Variants in CHCHD3 observed in about 807,000 individuals in gnomAD.
The protein encoded by CHCHD3 is coiled-coil-helix-coiled-coil-helix domain containing 3.
A neutral mutation model predicts 38.2 loss-of-function variants in CHCHD3; 20 were observed. The ratio of observed to expected loss-of-function variants is 0.52; its 90% CI spans 0.37 to 0.76. The LOEUF (loss-of-function observed/expected upper bound fraction) is 0.76, where lower values mean the gene tolerates loss of function less well. CHCHD3 is among the 30% of genes least tolerant of loss of function. The probability of loss-of-function intolerance (pLI) is 0.00; values close to 1 mark genes in which losing one functional copy is unlikely to be tolerated. For missense variants in CHCHD3, 245 were observed against 279.2 expected, an observed-to-expected ratio of 0.88 and a Z score of 0.87; for synonymous variants, 82 against 100.0, an observed-to-expected ratio of 0.82 and a Z score of 1.07.
At chr7:133,007,720 C>A (rs1323910364) in intron 3 of CHCHD3, among the ~76,000 whole-genome samples, 1 of 152,196 alleles carries the variant, frequency 6.6e-6, no homozygotes, top group Non-Finnish European at 1.5e-5. Flanking sequence ...CGTGTCCCAA[C>A]TTTCTGATTT....
At chr7:132,837,707 T>A (rs1807823339) in intron 6 of CHCHD3, among the ~76,000 whole-genome samples, 1 of 152,318 alleles carries the variant, frequency 6.6e-6, no homozygotes, top group African/African-American at 2.4e-5. Flanking sequence ...TTTGCTTCAC[T>A]AATTTGCGCA....
intron 1 of CHCHD3, among the ~76,000 whole-genome samples, chr7:133,073,129 A>G (rs1300885773): frequency 6.6e-6 from 1 of 152,166 alleles, no homozygotes; most frequent in Non-Finnish European, 1.5e-5. Flanking sequence ...TGCCTTATTT[A>G]TATGGCTTCC....
chr7:132,892,690 TGCAGC>T (rs1809393460), intron 4 of CHCHD3, among the ~76,000 whole-genome samples: 1 of 152,176 alleles, frequency 6.6e-6, no homozygotes, highest in African/African-American at 2.4e-5. Flanking sequence ...TGCTGCTGTG[TGCAGC>T]CTCAGGACTT....
chr7:133,077,599 T>C (rs1815040545), intron 1 of CHCHD3, among the ~76,000 whole-genome samples: 1 of 152,272 alleles, frequency 6.6e-6, no homozygotes, highest in Admixed American at 6.5e-5. Flanking sequence ...ACAGCTTTGA[T>C]GTTTCAGATA....
At chr7:132,794,592 C>T (rs962836188) in intron 7 of CHCHD3, among the ~76,000 whole-genome samples, 1 of 152,062 alleles carries the variant, frequency 6.6e-6, no homozygotes, top group African/African-American at 2.4e-5. Context: ...GTATTATACA[C>T]CTCCTAATAA....
intron 6 of CHCHD3, among the ~76,000 whole-genome samples, chr7:132,798,863 A>G (rs565434277): frequency 1.3e-5 from 2 of 152,284 alleles, no homozygotes; most frequent in East Asian, 3.9e-4. Flanking sequence ...GTAGATAAGC[A>G]TGTATCCTGG....
intron 2 of CHCHD3, chr7:133,036,015 T>A: frequency 1.2e-6 from 1 of 808,178 alleles, no homozygotes; most frequent in Non-Finnish European, 2.1e-6. Flanking sequence ...GTAATTAGAA[T>A]ACCAACTTAT....
At chr7:132,990,981 C>CACACACACAA (rs1376258976) in intron 3 of CHCHD3, among the ~76,000 whole-genome samples, 2 of 151,486 alleles carry the variant, frequency 1.3e-5, no homozygotes, top group East Asian at 3.9e-4. Flanking sequence ...CACACACACA[C>CACACACACAA]AACCTAACTC....
chr7:133,028,291 C>A (rs1397499093), intron 2 of CHCHD3, among the ~76,000 whole-genome samples: 2 of 152,126 alleles, frequency 1.3e-5, no homozygotes, highest in African/African-American at 4.8e-5. Context: ...TAATTTAATT[C>A]AATTAAAACT....
intron 3 of CHCHD3, among the ~76,000 whole-genome samples, chr7:132,988,356 G>C (rs1039701121): frequency 6.6e-6 from 1 of 151,794 alleles, no homozygotes; most frequent in Non-Finnish European, 1.5e-5. Flanking sequence ...AAGTGGCATG[G>C]GGGTAGAACT....
chr7:132,993,910 A>G (rs933570747), intron 3 of CHCHD3, among the ~76,000 whole-genome samples: 6 of 152,228 alleles, frequency 3.9e-5, no homozygotes, highest in African/African-American at 9.6e-5. Flanking sequence ...AATTGATAGC[A>G]GAAGGTGCAG....
intron 4 of CHCHD3, chr7:132,972,598 A>G: frequency 1.0e-6 from 1 of 985,436 alleles, no homozygotes; most frequent in Non-Finnish European, 1.2e-6. Context: ...ATAAATTGGG[A>G]ACTGCCCAAT....
At chr7:132,832,581 TC>T (rs61239912) in intron 6 of CHCHD3, among the ~76,000 whole-genome samples, 26,572 of 152,206 alleles carry the variant, frequency 0.17, 2,477 homozygotes, top group African/African-American at 0.23. Context: ...GTATCAATTG[TC>T]CTGTAAAATG....
chr7:132,935,001 T>TA (rs957431359), intron 4 of CHCHD3, among the ~76,000 whole-genome samples: 6 of 152,202 alleles, frequency 3.9e-5, no homozygotes, highest in African/African-American at 1.2e-4. Flanking sequence ...AAGAGCTTTA[T>TA]AAAAAAAGGG....
intron 5 of CHCHD3, among the ~76,000 whole-genome samples, chr7:132,874,304 C>G (rs1184670103): frequency 3.9e-5 from 6 of 152,196 alleles, no homozygotes; most frequent in Non-Finnish European, 7.3e-5. Flanking sequence ...TACTGACCAT[C>G]ATCAAACTTA....
intron 4 of CHCHD3, chr7:132,886,944 A>G (rs921989493): frequency 8.6e-6 from 11 of 1,272,540 alleles, no homozygotes; most frequent in Non-Finnish European, 1.1e-5. Flanking sequence ...AACTACTTGC[A>G]CATTTATAGG....
chr7:133,056,086 T>C (rs1052555885), intron 2 of CHCHD3, among the ~76,000 whole-genome samples: 1 of 151,802 alleles, frequency 6.6e-6, no homozygotes, highest in Admixed American at 6.6e-5. Context: ...AGGTCAAGGC[T>C]GCAGTGATCT....
At chr7:133,018,641 A>G (rs1813090881) in intron 3 of CHCHD3, among the ~76,000 whole-genome samples, 1 of 152,200 alleles carries the variant, frequency 6.6e-6, no homozygotes, top group Non-Finnish European at 1.5e-5. Context: ...ATTAAAAGAA[A>G]GATTTTTAAG....
intron 4 of CHCHD3, among the ~76,000 whole-genome samples, chr7:132,901,690 A>T (rs1243353919): frequency 6.6e-6 from 1 of 152,026 alleles, no homozygotes; most frequent in Non-Finnish European, 1.5e-5. Flanking sequence ...AATTTGTTTG[A>T]GTTCATTGTA....
Sources: allele counts gnomAD v4.1 joint callset (sites outside exome capture counted in the v4.1 genomes callset), GRCh38; gene constraint gnomAD v4.1.1; transcripts MANE v1.5; gene names NCBI Gene and HGNC (gene_info 2026-07-23, HGNC 2026-07-21).